PPM1E: variants seen among roughly 807,000 people sequenced by gnomAD.
PPM1E encodes protein phosphatase, Mg2+/Mn2+ dependent 1E.
PPM1E carries 20 observed loss-of-function variants against 65.9 expected under a neutral mutation model. That is an observed-to-expected ratio of 0.30 (90% CI 0.21 to 0.44). The LOEUF (loss-of-function observed/expected upper bound fraction) is 0.44. PPM1E is among the 20% of genes least tolerant of loss of function. PPM1E has a pLI of 1.00. For missense variants in PPM1E, 713 were observed against 953.1 expected (o/e 0.75, Z 3.32); for synonymous variants, 352 against 374.9 (o/e 0.94, Z 0.70).
intron 1 of PPM1E, among the ~76,000 whole-genome samples, chr17:58,886,302 A>C (rs545364797): frequency 6.6e-6 from 1 of 152,184 alleles, no homozygotes; most frequent in African/African-American, 2.4e-5. Flanking sequence ...GCATTTAACT[A>C]TACTATTTAA....
intron 1 of PPM1E, among the ~76,000 whole-genome samples, chr17:58,860,743 C>T (rs888060182): frequency 5.3e-5 from 8 of 152,052 alleles, no homozygotes; most frequent in Non-Finnish European, 5.9e-5. Context: ...CAGGAATTCG[C>T]GACCAGTTTG....
intron 1 of PPM1E, among the ~76,000 whole-genome samples, chr17:58,819,293 G>A (rs770015512): frequency 1.3e-5 from 2 of 152,004 alleles, no homozygotes; most frequent in East Asian, 1.9e-4. Context: ...TTATAGGCAC[G>A]CGCCACCACG....
At chr17:58,779,265 T>C (rs1460855260) in intron 1 of PPM1E, among the ~76,000 whole-genome samples, 1 of 151,424 alleles carries the variant, frequency 6.6e-6, no homozygotes, top group African/African-American at 2.4e-5. Context: ...AACCTCCGCT[T>C]CCTGGGTTCA....
At chr17:58,763,420 C>T (rs913845763) in intron 1 of PPM1E, among the ~76,000 whole-genome samples, 1 of 152,090 alleles carries the variant, frequency 6.6e-6, no homozygotes, top group Non-Finnish European at 1.5e-5. Flanking sequence ...TATGACACCA[C>T]CTGGGACCTA....
chr17:58,770,310 A>G (rs1445335812), intron 1 of PPM1E, among the ~76,000 whole-genome samples: 2 of 152,144 alleles, frequency 1.3e-5, no homozygotes, highest in Non-Finnish European at 2.9e-5. Flanking sequence ...CTTGACTATC[A>G]AGGAAAAGAG....
At chr17:58,976,500 T>C (rs1188965158) in intron 6 of PPM1E, among the ~76,000 whole-genome samples, 1 of 152,168 alleles carries the variant, frequency 6.6e-6, no homozygotes, top group Admixed American at 6.5e-5. Context: ...AGTTCAGCTC[T>C]ACTCAGGAAA....
intron 1 of PPM1E, among the ~76,000 whole-genome samples, chr17:58,758,802 G>A (rs1289734296): frequency 2.6e-5 from 4 of 152,000 alleles, no homozygotes; most frequent in Non-Finnish European, 5.9e-5. Flanking sequence ...AGTTTTTGCC[G>A]GGCACAGTGG....
Position 58,845,398 on chromosome 17 carries a change from A to G in PPM1E, c.464+88937A>G, listed in dbSNP as rs181400331. Among the ~76,000 whole-genome samples the G allele has an allele frequency of 4.4e-3, 659 of 151,386 alleles. 2 individuals are homozygous for G. Among genetic ancestry groups the G allele is most frequent in the African/African-American group, 0.01 (430 of 41,268 alleles). On this transcript the variant is annotated intron_variant, in intron 1 of 6. Coordinates refer to ENST00000308249, the MANE Select transcript of PPM1E (RefSeq NM_014906.5). ...AGTATACAATTTATTGGTATTAAGT[A>G]TATTAATATTATTGTACAACTATCA...
intron 2 of PPM1E, among the ~76,000 whole-genome samples, chr17:58,957,190 G>A (rs1379861920): frequency 6.6e-6 from 1 of 152,222 alleles, no homozygotes; most frequent in African/African-American, 2.4e-5. Flanking sequence ...GTAATTTACA[G>A]CTGTGAGGGG....
intron 1 of PPM1E, among the ~76,000 whole-genome samples, chr17:58,787,872 A>C (rs1384401271): frequency 6.7e-6 from 1 of 148,590 alleles, no homozygotes; most frequent in Non-Finnish European, 1.5e-5. Context: ...GCACCACTGC[A>C]CTCCAGCCTG....
At position 58,825,224 on chromosome 17, in the gene PPM1E, T is replaced by TCACACACA. The variant is rs71367635; in HGVS notation, c.464+68796_464+68803dup. On this transcript the variant is annotated intron_variant, in intron 1 of 6. Coordinates refer to ENST00000308249, the MANE Select transcript of PPM1E (RefSeq NM_014906.5). ...GAACTATTGATTCTCACACACACACTCACACACACACACACACACACACAC... is the reference window on the plus strand; with the variant it reads ...GAACTATTGATTCTCACACACACACTCACACACACACACACACACACACACACACACAC... 9.6e-3 allele frequency among the ~76,000 whole-genome samples: 1,339 copies of TCACACACA among 140,134 alleles called. 7 individuals are homozygous for TCACACACA. The highest frequency in any genetic ancestry group is 0.022 in the African/African-American group (826 of 37,786). The allele number at this position is 140,134 out of a possible 152,430, so 91.9% of individuals were successfully genotyped here.
intron 1 of PPM1E, among the ~76,000 whole-genome samples, chr17:58,949,703 A>G (rs2052210134): frequency 6.6e-6 from 1 of 151,998 alleles, no homozygotes; most frequent in African/African-American, 2.4e-5. Context: ...CTCCTGGTGA[A>G]TTTTATAATT....
chr17:58,789,115 A>G (rs1219209823), intron 1 of PPM1E, among the ~76,000 whole-genome samples: 1 of 152,210 alleles, frequency 6.6e-6, no homozygotes, highest in Non-Finnish European at 1.5e-5. Context: ...TTGACTAATA[A>G]AAGCAATTAA....
chr17:58,954,464 G>T (rs2052285713), intron 1 of PPM1E, among the ~76,000 whole-genome samples: 1 of 151,984 alleles, frequency 6.6e-6, no homozygotes, highest in South Asian at 2.1e-4. Flanking sequence ...CACCTAAAAG[G>T]CCCATGTATC....
intron 1 of PPM1E, among the ~76,000 whole-genome samples, chr17:58,860,020 T>C (rs1367530473): frequency 1.3e-5 from 2 of 152,206 alleles, no homozygotes; most frequent in Non-Finnish European, 2.9e-5. Context: ...ACCAACTTCA[T>C]TGTTCAATAA....
chr17:58,890,073 A>G (rs1182725158), intron 1 of PPM1E, among the ~76,000 whole-genome samples: 1 of 152,244 alleles, frequency 6.6e-6, no homozygotes, highest in Non-Finnish European at 1.5e-5. Flanking sequence ...ATCAGTGAAT[A>G]TAGAAGCATT....
intron 1 of PPM1E, among the ~76,000 whole-genome samples, chr17:58,795,870 T>C (rs1308414566): frequency 6.6e-6 from 1 of 152,214 alleles, no homozygotes; most frequent in East Asian, 1.9e-4. Context: ...TTGCCCACTT[T>C]TAAATGTTTT....
At chr17:58,780,503 G>T (rs2050040169) in intron 1 of PPM1E, among the ~76,000 whole-genome samples, 1 of 152,216 alleles carries the variant, frequency 6.6e-6, no homozygotes, top group Non-Finnish European at 1.5e-5. Flanking sequence ...TGATTTGAAT[G>T]TATTGGCTTG....
intron 1 of PPM1E, among the ~76,000 whole-genome samples, chr17:58,870,001 G>C (rs1264016832): frequency 6.6e-6 from 1 of 152,182 alleles, no homozygotes; most frequent in Non-Finnish European, 1.5e-5. Flanking sequence ...AGAGGATTAG[G>C]AAATTATTTA....
Sources: allele counts gnomAD v4.1 joint callset (sites outside exome capture counted in the v4.1 genomes callset), GRCh38; gene constraint gnomAD v4.1.1; transcripts MANE v1.5; gene names NCBI Gene and HGNC (gene_info 2026-07-23, HGNC 2026-07-21).